Variants in MEIKIN observed in about 807,000 individuals in gnomAD.
MEIKIN encodes the protein meiotic kinetochore factor.
intron 9 of MEIKIN, among the ~76,000 whole-genome samples, chr5:131,872,586 C>T (rs1014682240): frequency 3.3e-5 from 5 of 152,162 alleles, no homozygotes; most frequent in African/African-American, 9.7e-5. Context: ...AGGATATTAT[C>T]CAGGAGAACT....
At chr5:131,872,157 T>C (rs1234038059) in intron 9 of MEIKIN, among the ~76,000 whole-genome samples, 2 of 152,170 alleles carry the variant, frequency 1.3e-5, no homozygotes, top group Non-Finnish European at 2.9e-5. Flanking sequence ...AGAATGACTT[T>C]GACGAGTTGA....
intron 9 of MEIKIN, among the ~76,000 whole-genome samples, chr5:131,873,563 C>T (rs574123495): frequency 6.6e-6 from 1 of 152,134 alleles, no homozygotes. Flanking sequence ...GACTTTAACA[C>T]CCCACTGTCA....
At chr5:131,813,515 C>T (rs1773041000) in intron 12 of MEIKIN, among the ~76,000 whole-genome samples, 2 of 151,928 alleles carry the variant, frequency 1.3e-5, no homozygotes, top group Admixed American at 1.3e-4. Context: ...AAAGCTCCGC[C>T]TCCCGGGTTC....
At chr5:131,932,830 C>A (rs913433970) in intron 5 of MEIKIN, among the ~76,000 whole-genome samples, 3 of 152,176 alleles carry the variant, frequency 2.0e-5, no homozygotes, top group African/African-American at 7.2e-5. Flanking sequence ...GCATTTGGCA[C>A]AACCAAATTA....
intron 8 of MEIKIN, among the ~76,000 whole-genome samples, chr5:131,906,024 A>T (rs1459123238): frequency 6.6e-6 from 1 of 152,208 alleles, no homozygotes; most frequent in Non-Finnish European, 1.5e-5. Context: ...AAAAATGACA[A>T]ATGGGACCCA....
At chr5:131,857,939 G>A (rs928054375) in intron 9 of MEIKIN, among the ~76,000 whole-genome samples, 2 of 152,164 alleles carry the variant, frequency 1.3e-5, no homozygotes, top group Admixed American at 6.5e-5. Flanking sequence ...CCTCACTCCC[G>A]CCAGCAACTG....
chr5:131,887,748 T>A (rs966069066), intron 8 of MEIKIN, among the ~76,000 whole-genome samples: 38 of 151,982 alleles, frequency 2.5e-4, no homozygotes, highest in Non-Finnish European at 5.0e-4. Context: ...AGGGTACATG[T>A]GCACAACATG....
At chr5:131,891,265 ATG>A (rs1268985084) in intron 8 of MEIKIN, among the ~76,000 whole-genome samples, 1 of 152,038 alleles carries the variant, frequency 6.6e-6, no homozygotes, top group African/African-American at 2.4e-5. Flanking sequence ...CAATTCCTGT[ATG>A]TCCTTGTTAA....
At chr5:131,825,531 G>A (rs1749595832) in intron 11 of MEIKIN, among the ~76,000 whole-genome samples, 1 of 152,180 alleles carries the variant, frequency 6.6e-6, no homozygotes, top group Admixed American at 6.5e-5. Context: ...GAGGCTTGAG[G>A]TCAGGGTTTC....
chr5:131,916,955 G>A (rs1751423543), intron 6 of MEIKIN, 30 bp from the exon 7 acceptor site: 1 of 396,356 alleles, frequency 2.5e-6, no homozygotes, highest in Non-Finnish European at 4.5e-6. Context: ...CAATCTATTA[G>A]AAATATAATT....
At chr5:131,886,217 G>C (rs1332292469) in intron 8 of MEIKIN, among the ~76,000 whole-genome samples, 1 of 152,022 alleles carries the variant, frequency 6.6e-6, no homozygotes, top group Non-Finnish European at 1.5e-5. Context: ...TTAAACAGGA[G>C]GTAGAGAAAA....
At chr5:131,891,873 T>C (rs945691402) in intron 8 of MEIKIN, among the ~76,000 whole-genome samples, 1 of 152,248 alleles carries the variant, frequency 6.6e-6, no homozygotes, top group Non-Finnish European at 1.5e-5. Flanking sequence ...TTTTCCGTGT[T>C]CAGTGCTTCC....
rs2149647854 is a variant in MEIKIN, at chr5:131,921,958, G to A, written c.479-17C>T. 2.5e-6 allele frequency: 1 copy of A among 398,790 alleles called. No individual in the cohort carries two copies. The highest frequency in any genetic ancestry group is 1.3e-4 in the South Asian group (1 of 7,848). The allele number at this position is 398,790 out of a possible 1,614,324, so 24.7% of individuals were successfully genotyped here. On this transcript the variant is annotated splice_polypyrimidine_tract_variant and intron_variant, in intron 5 of 12. Coordinates refer to ENST00000442687, the MANE Select transcript of MEIKIN (RefSeq NM_001303622.2). ...ACTCCCAGTCTAAAACAGCAGAGAAGAAATAGTGTAAGACTTTGAACAACA... is the reference window on the plus strand; with the variant it reads ...ACTCCCAGTCTAAAACAGCAGAGAAAAAATAGTGTAAGACTTTGAACAACA...
intron 4 of MEIKIN, among the ~76,000 whole-genome samples, chr5:131,939,201 A>C (rs1165974812): frequency 6.6e-6 from 1 of 152,214 alleles, no homozygotes. Context: ...TTGCCTGGCC[A>C]CAGTGTGTTA....
chr5:131,822,867 G>A (rs1047229188), intron 11 of MEIKIN, among the ~76,000 whole-genome samples: 74 of 150,890 alleles, frequency 4.9e-4, no homozygotes, highest in African/African-American at 1.7e-3. Context: ...GACAAGCCGG[G>A]TGTTGATGAA....
chr5:131,841,706 T>C (rs1749917364), intron 11 of MEIKIN, among the ~76,000 whole-genome samples: 1 of 152,212 alleles, frequency 6.6e-6, no homozygotes, highest in African/African-American at 2.4e-5. Context: ...CAACATTACT[T>C]CCTCCAATCA....
chr5:131,876,542 TTGG>T (rs1750616833), intron 9 of MEIKIN, among the ~76,000 whole-genome samples: 1 of 145,048 alleles, frequency 6.9e-6, no homozygotes, highest in African/African-American at 2.6e-5. Context: ...TTTTACACTG[TTGG>T]TGGGACTGTA....
intron 3 of MEIKIN, among the ~76,000 whole-genome samples, chr5:131,943,158 T>C (rs1751901839): frequency 1.3e-5 from 2 of 152,112 alleles, no homozygotes; most frequent in Non-Finnish European, 2.9e-5. Context: ...TAATATTTAA[T>C]AGACATTTCA....
chr5:131,824,731 G>A lies in MEIKIN; in HGVS notation c.976-5868C>T, dbSNP rs180827732. 6.6e-5 allele frequency among the ~76,000 whole-genome samples: 10 copies of A among 152,234 alleles called. No individual in the cohort carries two copies. In the East Asian group the frequency reaches 1.5e-3, roughly 23 times the overall value. On this transcript the variant is annotated intron_variant, in intron 11 of 12. Coordinates refer to ENST00000442687, the MANE Select transcript of MEIKIN (RefSeq NM_001303622.2). ...GAAAAATATTGAACAGAGGTTCAAC[G>A]ATATGGAGGATAGAATGCAACCTAA...
Sources: gnomAD v4.1 joint callset for allele counts (sites outside exome capture counted in the v4.1 genomes callset) on GRCh38, gnomAD v4.1.1 for gene constraint, MANE v1.5 for transcripts, NCBI Gene and HGNC (gene_info 2026-07-23, HGNC 2026-07-21) for gene names.